The following MUSK variants were observed in gnomAD, a reference collection of about 807,000 sequenced individuals.
MUSK encodes muscle associated receptor tyrosine kinase, also known as muscle, skeletal receptor tyrosine-protein kinase.
A neutral mutation model predicts 88.7 loss-of-function variants in MUSK; 55 were observed. The ratio of observed to expected loss-of-function variants is 0.62; its 90% confidence interval spans 0.50 to 0.78. The LOEUF (loss-of-function observed/expected upper bound fraction) is 0.78. Among genes scored for constraint, MUSK ranks in the 30% least tolerant of loss-of-function variants. The pLI is 0.00. For synonymous variants in MUSK, 387 were observed against 391.9 expected (o/e 0.99, Z 0.15); for missense variants, 1,015 against 1,074.3 (o/e 0.94, Z 0.77).
In MUSK at chr9:110,775,927, T is replaced by A. The variant is rs2077664361; in HGVS notation, c.1324T>A (p.Trp442Arg). Reference protein sequence around the residue: ...PECSKLPSMHWDPTACARLPH... With the variant: ...PECSKLPSMHRDPTACARLPH... ...ATGCAGCAAGCTTCCCAGCATGCAT[T>A]GGGACCCCACGGCCTGTGCCAGACT... The change falls in exon 10 of 15, where the codon TGG (tryptophan) becomes AGG (arginine). Residue 442 changes from tryptophan (W) to arginine (R), a missense_variant. Physicochemically the swap from Trp to Arg is moderately radical, Grantham distance 101. Transcript: ENST00000374448. 1.2e-6 allele frequency: 2 copies of A among 1,613,812 alleles called. No homozygotes were observed. Among genetic ancestry groups the A allele is most frequent in the Non-Finnish European group, 1.7e-6 (2 of 1,179,824 alleles).
intron 6 of MUSK, among the ~76,000 whole-genome samples, chr9:110,743,201 T>G (rs2077126555): frequency 6.6e-6 from 1 of 152,320 alleles, no homozygotes; most frequent in African/African-American, 2.4e-5. Context: ...GCTGTGAACC[T>G]GCCAGTGAAC....
intron 5 of MUSK, chr9:110,728,386 A>T (rs1386549892): frequency 1.7e-5 from 6 of 344,504 alleles, no homozygotes; most frequent in Non-Finnish European, 3.2e-5. Context: ...AACTGTCAAC[A>T]TTAGAATAAA....
At chr9:110,700,440 G>A (rs921804323) in intron 5 of MUSK, among the ~76,000 whole-genome samples, 2 of 152,060 alleles carry the variant, frequency 1.3e-5, no homozygotes, top group Non-Finnish European at 1.5e-5. Flanking sequence ...AGATGAAAAT[G>A]AGGGGAAAAC....
intron 6 of MUSK, among the ~76,000 whole-genome samples, chr9:110,736,956 G>T (rs1482480291): frequency 6.6e-6 from 1 of 151,754 alleles, no homozygotes; most frequent in Non-Finnish European, 1.5e-5. Flanking sequence ...CTGATATCTA[G>T]TTCTTTTATA....
chr9:110,689,357 T>A (rs1425684801), intron 3 of MUSK, among the ~76,000 whole-genome samples: 1 of 117,290 alleles, frequency 8.5e-6, no homozygotes, highest in Non-Finnish European at 1.6e-5. Flanking sequence ...TAAATATATA[T>A]AAATACATAT....
intron 7 of MUSK, among the ~76,000 whole-genome samples, chr9:110,754,152 C>T (rs1461055497): frequency 6.6e-6 from 1 of 152,084 alleles, no homozygotes; most frequent in East Asian, 1.9e-4. Context: ...TGTTTTTGTT[C>T]TTAATAAAAG....
chr9:110,713,907 A>G (rs1325877889), intron 5 of MUSK, among the ~76,000 whole-genome samples: 1 of 152,178 alleles, frequency 6.6e-6, no homozygotes, highest in African/African-American at 2.4e-5. Context: ...TAAACGTACC[A>G]TGGTTATACA....
intron 8 of MUSK, 107 bp downstream of exon 8, chr9:110,762,315 C>T (rs1002293691): frequency 4.9e-5 from 37 of 758,896 alleles, no homozygotes; most frequent in Non-Finnish European, 3.8e-5. Context: ...GGCTGGAGTG[C>T]GGTGGAGTAT....
At chr9:110,695,999 C>T (rs1021943207) in intron 4 of MUSK, among the ~76,000 whole-genome samples, 1 of 152,136 alleles carries the variant, frequency 6.6e-6, no homozygotes, top group East Asian at 1.9e-4. Flanking sequence ...CTTGGCAAAT[C>T]CCTCCTGAGT....
At chr9:110,740,177 T>C (rs561542783) in intron 6 of MUSK, among the ~76,000 whole-genome samples, 32 of 152,276 alleles carry the variant, frequency 2.1e-4, no homozygotes, top group African/African-American at 7.7e-4. Context: ...CTATTTCATG[T>C]CTTCATGACT....
intron 11 of MUSK, among the ~76,000 whole-genome samples, chr9:110,780,074 C>A (rs2077727504): frequency 6.6e-6 from 1 of 152,060 alleles, no homozygotes; most frequent in African/African-American, 2.4e-5. Flanking sequence ...AATCAGATAG[C>A]CATTTTCTAT....
At chr9:110,739,919 G>A (rs1405735464) in intron 6 of MUSK, among the ~76,000 whole-genome samples, 1 of 151,956 alleles carries the variant, frequency 6.6e-6, no homozygotes, top group African/African-American at 2.4e-5. Context: ...CAACTTTTTG[G>A]TATCTTGGCT....
chr9:110,735,059 G>C (rs914624505), intron 6 of MUSK, among the ~76,000 whole-genome samples: 1 of 152,022 alleles, frequency 6.6e-6, no homozygotes, highest in South Asian at 2.1e-4. Context: ...AGGAAAAGGA[G>C]ACAGAAAGTT....
chr9:110,675,808 G>T (rs957460462), intron 1 of MUSK, among the ~76,000 whole-genome samples: 1 of 150,990 alleles, frequency 6.6e-6, no homozygotes, highest in Non-Finnish European at 1.5e-5. Flanking sequence ...GGTCCTCCCC[G>T]CCTCGGCCTC....
At chr9:110,705,575 A>T (rs1454232389) in intron 5 of MUSK, among the ~76,000 whole-genome samples, 2 of 152,232 alleles carry the variant, frequency 1.3e-5, no homozygotes, top group Non-Finnish European at 2.9e-5. Flanking sequence ...AGGATCCAGC[A>T]CAAAAGTTTT....
intron 14 of MUSK, among the ~76,000 whole-genome samples, chr9:110,788,655 C>G (rs1417921305): frequency 1.3e-5 from 2 of 151,238 alleles, no homozygotes; most frequent in Non-Finnish European, 2.9e-5. Flanking sequence ...AAAAAAAAAT[C>G]TGTGCTCTCA....
intron 3 of MUSK, among the ~76,000 whole-genome samples, chr9:110,689,908 T>G (rs1455350620): frequency 3.4e-5 from 3 of 88,590 alleles, no homozygotes; most frequent in Non-Finnish European, 5.9e-5. Flanking sequence ...TAAATATACA[T>G]AAAAATACAT....
chr9:110,704,098 A>C (rs187982731), intron 5 of MUSK, among the ~76,000 whole-genome samples: 11 of 152,346 alleles, frequency 7.2e-5, no homozygotes, highest in Admixed American at 5.2e-4. Context: ...TTTATGAAAA[A>C]TAAAAATCAA....
At chr9:110,729,195 T>C (rs909766246) in intron 5 of MUSK, among the ~76,000 whole-genome samples, 2 of 143,160 alleles carry the variant, frequency 1.4e-5, no homozygotes, top group African/African-American at 5.0e-5. Context: ...AAAAATTAAG[T>C]TATTTTAATT....
Sources: allele counts gnomAD v4.1 joint callset (sites outside exome capture counted in the v4.1 genomes callset), GRCh38; gene constraint gnomAD v4.1.1; transcripts MANE v1.5; gene names NCBI Gene and HGNC (gene_info 2026-07-23, HGNC 2026-07-21).